The following SMARCC1 variants were observed in gnomAD, a reference collection of about 807,000 sequenced individuals.
SMARCC1 encodes the protein SWI/SNF related BAF chromatin remodeling complex subunit C1, also known as SWI/SNF complex subunit SMARCC1.
SMARCC1 carries 43 observed loss-of-function variants against 147.4 expected under a neutral mutation model. That is an observed-to-expected ratio of 0.29 (90% CI 0.23 to 0.38). The LOEUF is 0.38. Ranked by LOEUF, SMARCC1 falls within the 10% of genes least tolerant of loss-of-function variation. The pLI is 1.00. For synonymous variants in SMARCC1, 495 were observed against 484.4 expected (o/e 1.02, Z -0.29); for missense variants, 1,119 against 1,381.1 (o/e 0.81, Z 3.01).
intron 15 of SMARCC1, among the ~76,000 whole-genome samples, chr3:47,678,720 T>C (rs191236772): frequency 6.6e-6 from 1 of 152,342 alleles, no homozygotes; most frequent in East Asian, 1.9e-4. Flanking sequence ...TCGCTCTATA[T>C]TGCAGGTAGG....
At chr3:47,648,900 A>C (rs894527664) in intron 21 of SMARCC1, among the ~76,000 whole-genome samples, 1 of 152,238 alleles carries the variant, frequency 6.6e-6, no homozygotes, top group Non-Finnish European at 1.5e-5. Context: ...TCAAATATCC[A>C]AAATGCCTGA....
At chr3:47,639,140 G>T (rs1024881432) in intron 21 of SMARCC1, among the ~76,000 whole-genome samples, 11 of 152,018 alleles carry the variant, frequency 7.2e-5, no homozygotes, top group Non-Finnish European at 1.5e-4. Context: ...TAGGATTTTC[G>T]ATTTTCTGTA....
At chr3:47,666,389 G>A (rs1433151823) in intron 19 of SMARCC1, among the ~76,000 whole-genome samples, 1 of 152,034 alleles carries the variant, frequency 6.6e-6, no homozygotes, top group African/African-American at 2.4e-5. Context: ...ATCTTTCTCT[G>A]TCACTTAAGC....
At position 47,610,127 on chromosome 3, in the gene SMARCC1, T is replaced by C. The variant is rs1302606976; in HGVS notation, c.2982A>G (p.Gln994=). The change falls in exon 26 of 28, where the codon CAA becomes CAG. Residue 994 remains glutamine (Q), a synonymous_variant. Coordinates refer to ENST00000254480, the MANE Select transcript of SMARCC1 (RefSeq NM_003074.4). ...GCATCAGAGGGTAGGGAGGGGGCTGTTGATGAGGCATCATGCCAGGGTGCC... is the reference window on the plus strand; with the variant it reads ...GCATCAGAGGGTAGGGAGGGGGCTGCTGATGAGGCATCATGCCAGGGTGCC... ...AAGHPGMMPH[Q]QPPPYPLMHH... The C allele has an allele frequency of 1.2e-6, 2 of 1,613,484 alleles. No homozygotes were observed. The highest frequency in any genetic ancestry group is 1.7e-6 in the Non-Finnish European group (2 of 1,180,032).
chr3:47,687,936 A>C (rs1248784228), intron 13 of SMARCC1, among the ~76,000 whole-genome samples: 1 of 152,182 alleles, frequency 6.6e-6, no homozygotes, highest in Admixed American at 6.6e-5. Flanking sequence ...CTAAATAATG[A>C]CATATTTTTG....
At chr3:47,600,969 T>C (rs1052393070) in intron 26 of SMARCC1, among the ~76,000 whole-genome samples, 1 of 136,630 alleles carries the variant, frequency 7.3e-6, no homozygotes, top group African/African-American at 2.8e-5. Context: ...TCAGGTATTT[T>C]TTCCCAGCAG....
intron 21 of SMARCC1, among the ~76,000 whole-genome samples, chr3:47,651,749 TAA>T (rs2033193186): frequency 1.3e-5 from 2 of 152,370 alleles, no homozygotes; most frequent in South Asian, 4.1e-4. Context: ...CTATACACGT[TAA>T]GTTTTACTTA....
chr3:47,633,759 A>T (rs1275913151), intron 24 of SMARCC1, among the ~76,000 whole-genome samples: 8 of 37,274 alleles, frequency 2.1e-4, no homozygotes, highest in African/African-American at 5.0e-4. Flanking sequence ...AAAAAAAAAA[A>T]AAAAATATAT....
chr3:47,698,055 CA>C (rs1391714506), intron 11 of SMARCC1, among the ~76,000 whole-genome samples: 1 of 62,990 alleles, frequency 1.6e-5, no homozygotes, highest in Non-Finnish European at 3.5e-5. Flanking sequence ...TCCACAAATA[CA>C]GACTAAAATA....
At chr3:47,716,642 A>G (rs2034159914) in intron 7 of SMARCC1, among the ~76,000 whole-genome samples, 1 of 152,214 alleles carries the variant, frequency 6.6e-6, no homozygotes, top group Non-Finnish European at 1.5e-5. Flanking sequence ...TGGAACTTAT[A>G]CCAACTCTAT....
chr3:47,754,594 T>C (rs1044453582), intron 2 of SMARCC1, among the ~76,000 whole-genome samples: 3 of 152,104 alleles, frequency 2.0e-5, no homozygotes, highest in South Asian at 4.1e-4. Context: ...ACTCTACCAC[T>C]ATAAACATGT....
At chr3:47,643,399 A>G (rs2033074299) in intron 21 of SMARCC1, among the ~76,000 whole-genome samples, 2 of 152,344 alleles carry the variant, frequency 1.3e-5, no homozygotes, top group East Asian at 1.9e-4. Flanking sequence ...TGCTCATTCA[A>G]TAATAGAATG....
At chr3:47,654,727 A>G (rs982335854) in intron 21 of SMARCC1, among the ~76,000 whole-genome samples, 4 of 152,230 alleles carry the variant, frequency 2.6e-5, no homozygotes, top group African/African-American at 7.2e-5. Context: ...AAACCTGAGG[A>G]GGGTCCTGAA....
At chr3:47,697,732 G>C (rs1388657591) in intron 11 of SMARCC1, among the ~76,000 whole-genome samples, 1 of 151,680 alleles carries the variant, frequency 6.6e-6, no homozygotes, top group African/African-American at 2.4e-5. Context: ...ATCTGGACGG[G>C]CACAGTGGCT....
At chr3:47,746,589 A>G (rs1038436971) in intron 2 of SMARCC1, among the ~76,000 whole-genome samples, 3 of 152,172 alleles carry the variant, frequency 2.0e-5, no homozygotes, top group Non-Finnish European at 2.9e-5. Context: ...CCTGGACAAT[A>G]TAGCAAGACC....
rs773785959 is a variant in SMARCC1 at position 47,636,130 on chromosome 3, T to G, written c.2383A>C (p.Asn795His). The G allele has an allele frequency of 1.3e-6, 2 of 1,586,518 alleles. No homozygotes were observed. Among genetic ancestry groups the G allele is most frequent in the Admixed American group, 1.7e-5 (1 of 59,294 alleles). ...TCATCCGTTTCATTTTCCACTTTAT[T>G]TTCTGCCTGAAAGGGATATAAAACA... Reference protein sequence around the residue: ...PDGQQPEKAENKVENETDEGD... With the variant: ...PDGQQPEKAEHKVENETDEGD... Residue 795 changes from asparagine (N) to histidine (H), a missense_variant, in exon 23 of 28, where the codon AAT becomes CAT. Asn to His is a moderately conservative substitution (Grantham distance 68). This residue lies in a region of SMARCC1 where 157 missense variants were observed against 158.6 expected (regional missense o/e 0.99). Coordinates refer to ENST00000254480, the MANE Select transcript of SMARCC1 (RefSeq NM_003074.4).
intron 21 of SMARCC1, among the ~76,000 whole-genome samples, chr3:47,651,062 T>C (rs1424592871): frequency 6.6e-6 from 1 of 152,162 alleles, no homozygotes; most frequent in Non-Finnish European, 1.5e-5. Flanking sequence ...CCCAGCTCTT[T>C]GGGACGCTAA....
chr3:47,684,014 A>G (rs2033687685), intron 14 of SMARCC1, among the ~76,000 whole-genome samples: 2 of 152,202 alleles, frequency 1.3e-5, no homozygotes, highest in Non-Finnish European at 2.9e-5. Flanking sequence ...GCACTTTGGG[A>G]GGCCGAGGCG....
chr3:47,666,971 T>C (rs1445319238), intron 19 of SMARCC1, among the ~76,000 whole-genome samples: 2 of 152,150 alleles, frequency 1.3e-5, no homozygotes, highest in Admixed American at 6.6e-5. Context: ...TCATGTTGGT[T>C]ACTGAATATC....
Sources: allele counts gnomAD v4.1 joint callset (sites outside exome capture counted in the v4.1 genomes callset), GRCh38; gene constraint gnomAD v4.1.1; regional missense constraint gnomAD v4.1.1; transcripts MANE v1.5; gene names NCBI Gene and HGNC (gene_info 2026-07-23, HGNC 2026-07-21).